TP53BP1: variants seen among roughly 807,000 people sequenced by gnomAD.
TP53BP1 encodes the protein TP53-binding protein 1.
Under a neutral mutation model 200.8 loss-of-function variants are expected in TP53BP1, and 61 were observed. The observed-to-expected ratio is 0.30, with a 90% CI of 0.25 to 0.38. The LOEUF (loss-of-function observed/expected upper bound fraction) is 0.38, where lower values mean the gene tolerates loss of function less well. Among genes scored for constraint, TP53BP1 ranks in the 10% least tolerant of loss-of-function variants. The pLI, the probability that TP53BP1 is intolerant of heterozygous loss-of-function variation, is 1.00. For missense variants in TP53BP1, 2,144 were observed against 2,371.9 expected (o/e 0.90, Z 2.00); for synonymous variants, 822 against 844.3 (o/e 0.97, Z 0.46).
rs1263659531 is a variant in TP53BP1 at position 43,406,717 on chromosome 15, T to A, written c.*666A>T. 30 of 420,934 alleles carry A rather than the reference T, an allele frequency of 7.1e-5. No homozygotes were observed. In the Admixed American group the frequency reaches 7.3e-4, roughly 10 times the overall value. The allele number at this position is 420,934 out of a possible 1,614,324, so 26.1% of individuals were successfully genotyped here. On this transcript the variant is annotated 3_prime_UTR_variant, in exon 28 of 28. Transcript: ENST00000382044. ...TGTGACAATAATAATAATAATAATA[T>A]TGGGTCTTTGACTAGAACGTGTAAC...
At chr15:43,453,481 A>G (rs537005737) in intron 12 of TP53BP1, among the ~76,000 whole-genome samples, 1 of 152,288 alleles carries the variant, frequency 6.6e-6, no homozygotes, top group East Asian at 1.9e-4. Flanking sequence ...GACGTTAAGA[A>G]GAGACTAAAT....
At chr15:43,412,196 A>G (rs1048857767) in intron 24 of TP53BP1, among the ~76,000 whole-genome samples, 1 of 152,172 alleles carries the variant, frequency 6.6e-6, no homozygotes, top group African/African-American at 2.4e-5. Flanking sequence ...ATATCTACAC[A>G]TGGCTGCAGT....
intron 23 of TP53BP1, among the ~76,000 whole-genome samples, chr15:43,413,852 C>T (rs1354108955): frequency 6.6e-6 from 1 of 151,764 alleles, no homozygotes; most frequent in Non-Finnish European, 1.5e-5. Flanking sequence ...ATCCTCCCAC[C>T]CCATCACTGA....
chr15:43,405,375 A>G lies in TP53BP1; in HGVS notation c.*2008T>C, dbSNP rs990834691. ...CAGTTACTGAACATCCAGGAGTACA[A>G]CTCCTTCCCATCATTCCCATGTGGA... On this transcript the variant is annotated 3_prime_UTR_variant, in exon 28 of 28. Coordinates refer to ENST00000382044, the MANE Select transcript of TP53BP1 (RefSeq NM_001141980.3). 63 of 729,044 alleles carry G rather than the reference A, an allele frequency of 8.6e-5. No homozygotes were observed. Among genetic ancestry groups the G allele is most frequent in the Non-Finnish European group, 6.9e-6 (3 of 431,964 alleles). The allele number at this position is 729,044 out of a possible 1,614,324, so 45.2% of individuals were successfully genotyped here. A position where few individuals can be genotyped will look rare whatever the true frequency, so the allele number is the denominator to read the frequency against.
intron 12 of TP53BP1, among the ~76,000 whole-genome samples, chr15:43,454,113 G>A (rs928322487): frequency 2.6e-5 from 4 of 151,438 alleles, no homozygotes; most frequent in Admixed American, 2.6e-4. Context: ...GCTGAGGCAG[G>A]AGAATTGCTT....
rs765475682 is a variant in TP53BP1 at position 43,469,989 on chromosome 15, C to A, written c.1258G>T (p.Val420Leu). Residue 420 changes from valine to leucine, a missense_variant, in exon 11 of 28, where the codon GTG becomes TTG. Around this residue, in one of 4 missense-constraint regions of TP53BP1, gnomAD observed 1,700 missense variants for 1,710.3 expected, o/e 0.99. Coordinates refer to ENST00000382044, the MANE Select transcript of TP53BP1 (RefSeq NM_001141980.3). ...AGGAGAGGGGGGTTTTCTAACTCCA[C>A]TGGTTCACCACTTTGAAGTTTCTTC... ...FQKKLQSGEP[V>L]ELENPPLLPE... 8.1e-6 allele frequency: 13 copies of A among 1,613,940 alleles called. No homozygotes were observed. In the South Asian group the frequency reaches 1.4e-4, roughly 18 times the overall value.
intron 11 of TP53BP1, among the ~76,000 whole-genome samples, chr15:43,464,267 A>G (rs1321538692): frequency 2.0e-5 from 3 of 152,260 alleles, no homozygotes; most frequent in Non-Finnish European, 4.4e-5. Context: ...TATTCCAGAC[A>G]GAAGAAAACT....
At chr15:43,466,782 A>T (rs1214352697) in intron 11 of TP53BP1, among the ~76,000 whole-genome samples, 1 of 152,150 alleles carries the variant, frequency 6.6e-6, no homozygotes, top group African/African-American at 2.4e-5. Context: ...GCCTGAGTAC[A>T]GAAGTTCGAG....
In TP53BP1 at chr15:43,436,488, T is replaced by G. The variant is rs150946164; in HGVS notation, c.3191+1836A>C. Among the ~76,000 whole-genome samples the G allele has an allele frequency of 1.2e-3, 187 of 152,124 alleles. 1 individual carries two copies. The highest frequency in any genetic ancestry group is 4.0e-3 in the African/African-American group (166 of 41,506). On this transcript the variant is annotated intron_variant, in intron 16 of 27. Coordinates refer to ENST00000382044, the MANE Select transcript of TP53BP1 (RefSeq NM_001141980.3). ...TATTTATTTATTTATTTATTATTAT[T>G]TTTTAAGACATGGTCTCACTCTGTT...
Position 43,474,629 on chromosome 15 carries a change from T to A in TP53BP1, c.1180+44A>T, listed in dbSNP as rs770210249. On this transcript the variant is annotated intron_variant, in intron 10 of 27. Transcript: ENST00000382044. ...TTTTGCAAGGCAGAAAAAGTGTTGCTCCTCTTCTAATCTGAGATCAACAGA... is the reference window on the plus strand; with the variant it reads ...TTTTGCAAGGCAGAAAAAGTGTTGCACCTCTTCTAATCTGAGATCAACAGA... 5.8e-6 allele frequency: 8 copies of A among 1,381,558 alleles called. No homozygotes were observed. The Admixed American group carries it at 7.5e-5, about 13-fold the overall frequency. The allele number at this position is 1,381,558 out of a possible 1,614,324, so 85.6% of individuals were successfully genotyped here. A position where few individuals can be genotyped will look rare whatever the true frequency, so the allele number is the denominator to read the frequency against.
At position 43,456,096 on chromosome 15, in the gene TP53BP1, G is replaced by T; in HGVS notation, c.2512C>A (p.Pro838Thr). The part of the protein sequence containing the change: ...TEPVEQDSSQ[P>T]SLPLVRADDP... ...TCTGCTCTCACTAAAGGTAAGGAAG[G>T]CTGTGAAGAATCTTGCTCTACAGGT... is the stretch of plus-strand genomic sequence containing the variant. Residue 838 changes from proline to threonine, a missense_variant, in exon 12 of 28, where the codon CCT becomes ACT. Physicochemically the swap from Pro to Thr is conservative, Grantham distance 38. Coordinates refer to ENST00000382044, the MANE Select transcript of TP53BP1 (RefSeq NM_001141980.3). The T allele has an allele frequency of 6.2e-7, 1 of 1,614,200 alleles. No individual in the cohort carries two copies. Among genetic ancestry groups the T allele is most frequent in the Non-Finnish European group, 8.5e-7 (1 of 1,180,034 alleles).
At position 43,499,617 on chromosome 15, in the gene TP53BP1, C is replaced by A. The variant is rs1595635943; in HGVS notation, c.-8-7149G>T. Among the ~76,000 whole-genome samples, 5 of 152,186 alleles carry A rather than the reference C, an allele frequency of 3.3e-5. 1 individual carries two copies. The South Asian group carries it at 1.0e-3, about 32-fold the overall frequency. ...AGCTAGTGTGCTAACTAACAAGTGG[C>A]AAGAATAGCAGTAATGCATCTTGGC... On this transcript the variant is annotated intron_variant, in intron 1 of 27. Transcript: ENST00000263801.
chr15:43,478,860 A>C (rs898939222), intron 7 of TP53BP1, among the ~76,000 whole-genome samples: 1 of 152,204 alleles, frequency 6.6e-6, no homozygotes, highest in Non-Finnish European at 1.5e-5. Flanking sequence ...AAAGATCACA[A>C]AGGAGGAGTG....
intron 23 of TP53BP1, chr15:43,414,255 C>CCAAGA: frequency 2.5e-6 from 1 of 403,234 alleles, no homozygotes; most frequent in Non-Finnish European, 5.1e-6. Context: ...GCCAACTTTT[C>CCAAGA]TGTGCCTCAA....
chr15:43,455,966 C>T lies in TP53BP1; in HGVS notation c.2642G>A (p.Ser881Asn), dbSNP rs756352412. 1.9e-6 allele frequency: 3 copies of T among 1,614,062 alleles called. No individual in the cohort carries two copies. Among genetic ancestry groups the T allele is most frequent in the Admixed American group, 3.3e-5 (2 of 59,990 alleles). The change falls in exon 12 of 28, where the codon AGC becomes AAC. Residue 881 changes from serine (S) to asparagine (N), a missense_variant. This residue lies in a region of TP53BP1 where 1,700 missense variants were observed against 1,710.3 expected (regional missense o/e 0.99). Coordinates refer to ENST00000382044, the MANE Select transcript of TP53BP1 (RefSeq NM_001141980.3). ...CAGCTTCTGGGCCTCTGCATCTGAG[C>T]TTAGCTGCTTTGCATTAGCCATTTT... ...DSKMANAKQL[S>N]SDAEAQKLGK...
At chr15:43,491,628 C>A in intron 4 of TP53BP1, 41 bp downstream of exon 4, 1 of 1,424,044 alleles carries the variant, frequency 7.0e-7, no homozygotes, top group Non-Finnish European at 9.9e-7. Flanking sequence ...AAGAACAAAT[C>A]TGATAATACA....
chr15:43,475,908 G>A (rs2078874640), intron 8 of TP53BP1, among the ~76,000 whole-genome samples: 1 of 152,198 alleles, frequency 6.6e-6, no homozygotes, highest in Non-Finnish European at 1.5e-5. Flanking sequence ...TGGGCTTCTT[G>A]AATAAAGAAC....
chr15:43,420,097 T>C (rs2045360281), intron 21 of TP53BP1, among the ~76,000 whole-genome samples: 1 of 152,158 alleles, frequency 6.6e-6, no homozygotes, highest in Non-Finnish European at 1.5e-5. Flanking sequence ...CTGTAAATCA[T>C]CTAAAATATT....
chr15:43,409,461 C>T, intron 25 of TP53BP1, 186 bp downstream of exon 25: 1 of 536,194 alleles, frequency 1.9e-6, no homozygotes, highest in Non-Finnish European at 3.3e-6. Flanking sequence ...ACCCAAGGTC[C>T]TACCTTCTCT....
Sources: allele counts gnomAD v4.1 joint callset (sites outside exome capture counted in the v4.1 genomes callset), GRCh38; gene constraint gnomAD v4.1.1; regional missense constraint gnomAD v4.1.1; transcripts MANE v1.5; gene names NCBI Gene and HGNC (gene_info 2026-07-23, HGNC 2026-07-21).